Variants in F10 observed in about 807,000 individuals in gnomAD.
The protein encoded by F10 is coagulation factor X, also known as Stuart-Prower factor.
A neutral mutation model predicts 37.1 loss-of-function variants in F10; 29 were observed. That is an observed-to-expected ratio of 0.78 (90% CI 0.58 to 1.07). F10 has a LOEUF of 1.07. Among genes scored for constraint, F10 ranks in the 50% least tolerant of loss-of-function variants. F10 has a pLI of 0.00. For missense variants in F10, 539 were observed against 667.9 expected, an observed-to-expected ratio of 0.81 and a Z score of 2.13; for synonymous variants, 262 against 268.6, an observed-to-expected ratio of 0.98 and a Z score of 0.24.
Position 113,136,725 on chromosome 13 carries a change from A to C in F10, c.232-1732A>C. On this transcript the variant is annotated intron_variant, in intron 2 of 7. Coordinates refer to ENST00000375559, the MANE Select transcript of F10 (RefSeq NM_000504.4). ...GAGTGCAGTGGCGGGATCTCGGCTCACTGCAAGCTCCGCCTCCCGGGTTCA... is the reference window on the plus strand; with the variant it reads ...GAGTGCAGTGGCGGGATCTCGGCTCCCTGCAAGCTCCGCCTCCCGGGTTCA... Among the ~76,000 whole-genome samples the C allele has an allele frequency of 1.8e-4, 2 of 10,818 alleles. 1 individual carries two copies. The highest frequency in any genetic ancestry group is 0.012 in the East Asian group (2 of 170). 7.1% of individuals were successfully genotyped at this position (10,818 alleles called of 152,430 possible). A position where few individuals can be genotyped will look rare whatever the true frequency, so the allele number is the denominator to read the frequency against.
rs944929807 is a variant in F10, at chr13:113,129,762, C to A, written c.231+150C>A. 7.8e-6 allele frequency: 8 copies of A among 1,029,744 alleles called. 1 individual carries two copies. Among genetic ancestry groups the A allele is most frequent in the African/African-American group, 7.1e-5 (4 of 56,606 alleles). 63.8% of individuals were successfully genotyped at this position (1,029,744 alleles called of 1,614,324 possible). ...AGGGGCGGGGCCCAGCAAATCGAGG[C>A]CTCGGCGGAGTCCTGCCCACAGGGA... On this transcript the variant is annotated intron_variant, in intron 2 of 7. Coordinates refer to ENST00000375559, the MANE Select transcript of F10 (RefSeq NM_000504.4).
chr13:113,128,028 G>C (rs1566915023), intron 1 of F10: 1 of 152,218 alleles, frequency 6.6e-6, no homozygotes, highest in Non-Finnish European at 1.5e-5. Flanking sequence ...AGGGTGCATG[G>C]GTCTAGAGCA....
chr13:113,147,829 C>T (rs2036596520), intron 7 of F10, among the ~76,000 whole-genome samples: 3 of 152,094 alleles, frequency 2.0e-5, no homozygotes, highest in Non-Finnish European at 4.4e-5. Flanking sequence ...GGGAGCCTTC[C>T]AGACCTCCCT....
intron 5 of F10, among the ~76,000 whole-genome samples, chr13:113,142,400 A>AC (rs1269012487): frequency 3.0e-4 from 38 of 127,016 alleles, no homozygotes; most frequent in Non-Finnish European, 4.9e-4. Flanking sequence ...AAAAAAAAAA[A>AC]TTAGCTGGGC....
chr13:113,123,308 A>C lies in F10; in HGVS notation c.70+383A>C, dbSNP rs115180823. Among the ~76,000 whole-genome samples, 9 of 152,318 alleles carry C rather than the reference A, an allele frequency of 5.9e-5. 1 individual carries two copies. The highest frequency in any genetic ancestry group is 1.0e-4 in the Non-Finnish European group (7 of 68,016). ...GCAGGCAGAGACAGGACAGTTAGCC[A>C]TCTGCCACCACAGGGAGGCACAGGA... On this transcript the variant is annotated intron_variant, in intron 1 of 7. Coordinates refer to ENST00000375559, the MANE Select transcript of F10 (RefSeq NM_000504.4).
chr13:113,129,727 GA>G, intron 2 of F10, 115 bp downstream of exon 2: 2 of 1,415,316 alleles, frequency 1.4e-6, no homozygotes, highest in Non-Finnish European at 2.0e-6. Flanking sequence ...CAGCGTGCGC[GA>G]AGGCTTTCAG....
At chr13:113,140,795 C>A (rs1473303122) in intron 4 of F10, 124 bp from the exon 5 acceptor site, 3 of 1,445,194 alleles carry the variant, frequency 2.1e-6, no homozygotes, top group African/African-American at 2.8e-5. Context: ...CTGGCTCTGG[C>A]CCTTTGCTCA....
chr13:113,125,299 A>G (rs935349892), intron 1 of F10, among the ~76,000 whole-genome samples: 1 of 152,208 alleles, frequency 6.6e-6, no homozygotes, highest in African/African-American at 2.4e-5. Context: ...TTCAGTTTCA[A>G]TCTTTACATT....
intron 4 of F10, among the ~76,000 whole-genome samples, chr13:113,140,240 A>T (rs1005653307): frequency 1.4e-5 from 2 of 144,824 alleles, no homozygotes; most frequent in African/African-American, 5.1e-5. Flanking sequence ...GTCCCGGCTA[A>T]TTTTTTTTTT....
At position 113,144,038 on chromosome 13, in the gene F10, C is replaced by A; in HGVS notation, c.690C>A (p.Asn230Lys). The A allele has an allele frequency of 6.2e-7, 1 of 1,613,908 alleles. No homozygotes were observed. The highest frequency in any genetic ancestry group is 1.1e-5 in the South Asian group (1 of 91,078). The change falls in exon 6 of 8, where the codon AAC becomes AAA. Residue 230 changes from asparagine (N) to lysine (K), a missense_variant. Coordinates refer to ENST00000375559, the MANE Select transcript of F10 (RefSeq NM_000504.4). This position sits in a 1 kb window ranked among gnomAD's most constrained non-coding sequence, Gnocchi z 6.4. Reference protein sequence around the residue: ...FNQTQPERGDNNLTRIVGGQE... With the variant: ...FNQTQPERGDKNLTRIVGGQE... ...AGACGCAGCCTGAGAGGGGCGACAA[C>A]AACCTCACCAGGATCGTGGGAGGCC...
Position 113,143,606 on chromosome 13 carries a change from G to A in F10, c.503-245G>A, listed in dbSNP as rs1595095905. ...CAACACTCCCCTCGCTGCCTGGGTT[G>A]CTGCCTGGCGTCCATTGTTCACAGG... On this transcript the variant is annotated intron_variant, in intron 5 of 7. Coordinates refer to ENST00000375559, the MANE Select transcript of F10 (RefSeq NM_000504.4). This position sits in a 1 kb window ranked among gnomAD's most constrained non-coding sequence, Gnocchi z 6.8. Among the ~76,000 whole-genome samples, 2 of 152,168 alleles carry A rather than the reference G, an allele frequency of 1.3e-5. No homozygotes were observed. Among genetic ancestry groups the A allele is most frequent in the Admixed American group, 6.5e-5 (1 of 15,282 alleles).
Position 113,148,399 on chromosome 13 carries a change from T to TATATACACAC in F10, c.866-516_866-515insTATACACACA, listed in dbSNP as rs138750596. Among the ~76,000 whole-genome samples, 6 of 138,620 alleles carry TATATACACAC rather than the reference T, an allele frequency of 4.3e-5. No individual in the cohort carries two copies. The East Asian group carries it at 1.0e-3, about 24-fold the overall frequency. The allele number at this position is 138,620 out of a possible 152,430, so 90.9% of individuals were successfully genotyped here. Reference sequence around the variant, plus strand: ...ATGTGTATATATATATACATATATATACACACACACACACAATTTCCATAA... The same window carrying TATATACACAC: ...ATGTGTATATATATATACATATATATATATACACACACACACACACACACAATTTCCATAA... On this transcript the variant is annotated intron_variant, in intron 7 of 7. Transcript: ENST00000375559.
chr13:113,130,273 C>CA (rs1281873446), intron 2 of F10: 6 of 156,256 alleles, frequency 3.8e-5, no homozygotes, highest in African/African-American at 1.4e-4. Flanking sequence ...AGGAGGAGAG[C>CA]AATGCCACCA....
chr13:113,137,149 A>G (rs1410564708), intron 2 of F10, among the ~76,000 whole-genome samples: 2 of 152,246 alleles, frequency 1.3e-5, no homozygotes, highest in Non-Finnish European at 2.9e-5. Context: ...GGGTGTACCC[A>G]TACAATATAA....
At chr13:113,129,681 C>T (rs1460841335) in intron 2 of F10, 69 bp downstream of exon 2, 2 of 1,597,010 alleles carry the variant, frequency 1.3e-6, no homozygotes, top group Non-Finnish European at 1.7e-6. Context: ...GGCCCCGCTG[C>T]TCCGTCCATC....
At chr13:113,133,071 CTG>C (rs1595090406) in intron 2 of F10, among the ~76,000 whole-genome samples, 1 of 152,066 alleles carries the variant, frequency 6.6e-6, no homozygotes, top group South Asian at 2.1e-4. Flanking sequence ...AACATAAAAT[CTG>C]TGGGATGCAG....
chr13:113,127,443 GAC>G (rs2036380837), intron 1 of F10, among the ~76,000 whole-genome samples: 1 of 152,134 alleles, frequency 6.6e-6, no homozygotes, highest in Admixed American at 6.5e-5. Context: ...CACAGAAAAA[GAC>G]TACAGAGGGC....
rs1429759832 is a variant in F10 at position 113,141,095 on chromosome 13, GGCCA to G, written c.502+47_502+50del. 1 of 1,609,818 alleles carries G rather than the reference GGCCA, an allele frequency of 6.2e-7. No individual in the cohort carries two copies. The highest frequency in any genetic ancestry group is 8.5e-7 in the Non-Finnish European group (1 of 1,179,588). ...ACAGCCACCCGCTGCCGCTGGGCCG[GGCCA>G]GGGAGGACAAGCCCGTGCCAGGGGG... On this transcript the variant is annotated intron_variant, in intron 5 of 7. Coordinates refer to ENST00000375559, the MANE Select transcript of F10 (RefSeq NM_000504.4). This position sits in a 1 kb window ranked among gnomAD's most constrained non-coding sequence, Gnocchi z 5.4.
chr13:113,145,505 G>GT (rs1288569836), intron 6 of F10, among the ~76,000 whole-genome samples: 1 of 151,058 alleles, frequency 6.6e-6, no homozygotes, highest in Admixed American at 6.6e-5. Flanking sequence ...TATGTTCCAA[G>GT]TATCGCATGA....
Sources: allele counts gnomAD v4.1 joint callset (sites outside exome capture counted in the v4.1 genomes callset), GRCh38; gene constraint gnomAD v4.1.1; non-coding constraint Gnocchi (gnomAD v3.1); transcripts MANE v1.5; gene names NCBI Gene and HGNC (gene_info 2026-07-23, HGNC 2026-07-21).